The following GRIN2A variants were observed in gnomAD, a reference collection of about 807,000 sequenced individuals.
GRIN2A encodes glutamate ionotropic receptor NMDA type subunit 2A, also known as glutamate receptor ionotropic, NMDA 2A.
A neutral mutation model predicts 113.4 loss-of-function variants in GRIN2A; 22 were observed. The ratio of observed to expected loss-of-function variants is 0.19; its 90% CI spans 0.14 to 0.28. The LOEUF (loss-of-function observed/expected upper bound fraction) is 0.28, where lower values mean the gene tolerates loss of function less well. Among genes scored for constraint, GRIN2A ranks in the 10% least tolerant of loss-of-function variants. The probability of loss-of-function intolerance (pLI) is 1.00; values close to 1 mark genes in which losing one functional copy is unlikely to be tolerated. For missense variants in GRIN2A, 1,502 were observed against 1,887.0 expected (o/e 0.80, Z 3.78); for synonymous variants, 827 against 738.4 (o/e 1.12, Z -1.94).
At chr16:9,820,844 G>A (rs542427752) in intron 10 of GRIN2A, among the ~76,000 whole-genome samples, 1 of 152,276 alleles carries the variant, frequency 6.6e-6, no homozygotes, top group East Asian at 1.9e-4. Flanking sequence ...CTGCATTTTT[G>A]TTATACTTCA....
Position 9,961,303 on chromosome 16 carries a change from G to T in GRIN2A, c.415-22752C>A, listed in dbSNP as rs1056086903. 2.6e-5 allele frequency among the ~76,000 whole-genome samples: 4 copies of T among 152,090 alleles called. No individual in the cohort carries two copies. In the South Asian group the frequency reaches 8.3e-4, roughly 32 times the overall value. On this transcript the variant is annotated intron_variant, in intron 2 of 12. Coordinates refer to ENST00000330684, the MANE Select transcript of GRIN2A (RefSeq NM_001134407.3). ...AATAGAAGGTCACATGCTCCAGACA[G>T]GGAACTCATCTAATGATATGGGGGT...
intron 2 of GRIN2A, 77 bp downstream of exon 2, chr16:10,179,921 C>A: frequency 1.4e-6 from 1 of 706,682 alleles, no homozygotes; most frequent in South Asian, 1.4e-5. Flanking sequence ...ATTCTAGGGG[C>A]GTCCGAAGAC....
chr16:10,095,042 G>GT lies in GRIN2A; in HGVS notation c.414+84955dup, dbSNP rs1567294675. 6.6e-5 allele frequency among the ~76,000 whole-genome samples: 10 copies of GT among 151,942 alleles called. No homozygotes were observed. The East Asian group carries it at 1.9e-3, about 29-fold the overall frequency. On this transcript the variant is annotated intron_variant, in intron 2 of 12. Coordinates refer to ENST00000330684, the MANE Select transcript of GRIN2A (RefSeq NM_001134407.3). ...TGAGGTCATAAGAGTAGGACCCCAGGTTGATAGGACTGGTGAACTTGTAAG... is the reference window on the plus strand; with the variant it reads ...TGAGGTCATAAGAGTAGGACCCCAGGTTTGATAGGACTGGTGAACTTGTAAG...
At chr16:10,177,438 T>C (rs1443131103) in intron 2 of GRIN2A, among the ~76,000 whole-genome samples, 1 of 152,180 alleles carries the variant, frequency 6.6e-6, no homozygotes, top group African/African-American at 2.4e-5. Context: ...GAGTGGCCAA[T>C]GTCTCCAAGA....
Position 9,840,810 on chromosome 16 carries a change from AG to A in GRIN2A, c.1498-11del. 6.6e-7 allele frequency: 1 copy of A among 1,515,972 alleles called. No homozygotes were observed. Among genetic ancestry groups the A allele is most frequent in the Non-Finnish European group, 9.0e-7 (1 of 1,110,830 alleles). The allele number at this position is 1,515,972 out of a possible 1,614,324, so 93.9% of individuals were successfully genotyped here. A position where few individuals can be genotyped will look rare whatever the true frequency, so the allele number is the denominator to read the frequency against. ...CCCGTTGATAGACCACCTGGATGCA[AG>A]GCAAAAAAAAAAAAAAAAAAAAGAG... On this transcript the variant is annotated splice_polypyrimidine_tract_variant and intron_variant, in intron 6 of 12. Coordinates refer to ENST00000330684, the MANE Select transcript of GRIN2A (RefSeq NM_001134407.3).
chr16:10,104,138 T>C (rs946816438), intron 2 of GRIN2A, among the ~76,000 whole-genome samples: 2 of 152,238 alleles, frequency 1.3e-5, no homozygotes, highest in Non-Finnish European at 2.9e-5. Context: ...TCTCTAGGAC[T>C]AAATAAAAAT....
At chr16:9,817,759 A>G (rs1482058353) in intron 10 of GRIN2A, among the ~76,000 whole-genome samples, 2 of 152,166 alleles carry the variant, frequency 1.3e-5, no homozygotes, top group East Asian at 1.9e-4. Flanking sequence ...GAAAATTACA[A>G]CCCACAATTT....
At chr16:9,986,037 A>G (rs1185859100) in intron 2 of GRIN2A, among the ~76,000 whole-genome samples, 1 of 152,368 alleles carries the variant, frequency 6.6e-6, no homozygotes, top group East Asian at 1.9e-4. Context: ...ATATAAATTC[A>G]TAGGTACAAT....
intron 11 of GRIN2A, among the ~76,000 whole-genome samples, chr16:9,775,204 TA>T (rs1359545938): frequency 6.6e-6 from 1 of 152,142 alleles, no homozygotes; most frequent in Non-Finnish European, 1.5e-5. Context: ...CACGTCTACA[TA>T]TTTTTTTTTT....
intron 3 of GRIN2A, among the ~76,000 whole-genome samples, chr16:9,936,200 T>C (rs1485284271): frequency 6.6e-6 from 1 of 152,118 alleles, no homozygotes; most frequent in Non-Finnish European, 1.5e-5. Context: ...TTGAAAGAAA[T>C]TGCAAATTCT....
At chr16:10,148,473 T>C (rs150673804) in intron 2 of GRIN2A, among the ~76,000 whole-genome samples, 2 of 152,334 alleles carry the variant, frequency 1.3e-5, no homozygotes, top group Non-Finnish European at 2.9e-5. Context: ...TGCCGACAGC[T>C]GCACCCACAA....
chr16:10,180,338 G>T lies in GRIN2A; in HGVS notation c.74C>A (p.Ala25Glu). The change falls in exon 2 of 13, where the codon GCG (alanine) becomes GAG (glutamate). Residue 25 changes from alanine to glutamate, a missense_variant. Around this residue, in one of 7 missense-constraint regions of GRIN2A, gnomAD observed 149 missense variants for 179.1 expected, o/e 0.83. Transcript: ENST00000330684. This position sits in a 1 kb window ranked among gnomAD's most constrained non-coding sequence, Gnocchi z 7.0. The part of the protein sequence containing the change: ...LLVWRGPAPS[A>E]AAEKGPPALN... The stretch of plus-strand genomic sequence containing the variant: ...CGCGGGGGGACCCTTCTCCGCCGCC[G>T]CGCTCGGCGCCGGACCGCGCCAGAC... 2 of 1,608,900 alleles carry T rather than the reference G, an allele frequency of 1.2e-6. No homozygotes were observed.
At chr16:9,808,201 T>C (rs923280462) in intron 10 of GRIN2A, among the ~76,000 whole-genome samples, 2 of 152,260 alleles carry the variant, frequency 1.3e-5, no homozygotes, top group African/African-American at 2.4e-5. Flanking sequence ...CTGCACTCTT[T>C]GCCGGAATAT....
intron 2 of GRIN2A, among the ~76,000 whole-genome samples, chr16:10,090,238 T>C (rs1005790229): frequency 2.6e-5 from 4 of 151,212 alleles, no homozygotes; most frequent in African/African-American, 7.3e-5. Context: ...CCAGGCAAAA[T>C]AATTTTGAAA....
rs760077182 is a variant in GRIN2A at position 9,938,594 on chromosome 16, T to C, written c.415-43A>G. On this transcript the variant is annotated intron_variant, in intron 2 of 12. Transcript: ENST00000330684. ...GTAAAACAGAGGATGAGGCAGGAGG[T>C]GGTTTATATAGAAGCACAAACTGCG... 2.0e-5 allele frequency: 29 copies of C among 1,445,078 alleles called. No homozygotes were observed. The South Asian group carries it at 3.2e-4, about 16-fold the overall frequency. 89.5% of individuals were successfully genotyped at this position (1,445,078 alleles called of 1,614,324 possible).
intron 2 of GRIN2A, among the ~76,000 whole-genome samples, chr16:9,952,562 G>C (rs2045209534): frequency 1.3e-5 from 2 of 152,146 alleles, no homozygotes; most frequent in Admixed American, 1.3e-4. Flanking sequence ...AAATACCTTT[G>C]AATCTGGTTC....
At chr16:9,992,592 A>G (rs760798196) in intron 2 of GRIN2A, among the ~76,000 whole-genome samples, 1 of 152,198 alleles carries the variant, frequency 6.6e-6, no homozygotes, top group African/African-American at 2.4e-5. Flanking sequence ...ACCAACTAAC[A>G]TGTTTTCTGA....
At chr16:10,030,612 A>G (rs574474600) in intron 2 of GRIN2A, among the ~76,000 whole-genome samples, 85 of 152,324 alleles carry the variant, frequency 5.6e-4, no homozygotes, top group Admixed American at 7.2e-4. Flanking sequence ...TTTCTACTGC[A>G]TTCTCTCTTA....
At chr16:9,958,721 C>A (rs1010033329) in intron 2 of GRIN2A, among the ~76,000 whole-genome samples, 2 of 151,980 alleles carry the variant, frequency 1.3e-5, no homozygotes, top group Non-Finnish European at 2.9e-5. Flanking sequence ...AGATTGCAAG[C>A]AGAGGGCAGA....
Sources: allele counts gnomAD v4.1 joint callset (sites outside exome capture counted in the v4.1 genomes callset), GRCh38; gene constraint gnomAD v4.1.1; regional missense constraint gnomAD v4.1.1; non-coding constraint Gnocchi (gnomAD v3.1); transcripts MANE v1.5; gene names NCBI Gene and HGNC (gene_info 2026-07-23, HGNC 2026-07-21).